Variants in FRMD1 observed in about 807,000 individuals in gnomAD.
The protein encoded by FRMD1 is FERM domain-containing protein 1.
FRMD1 carries 51 observed loss-of-function variants against 54.9 expected under a neutral mutation model. The observed-to-expected ratio is 0.93, with a 90% CI of 0.74 to 1.17. FRMD1 has a LOEUF of 1.17. FRMD1 is among the 50% of genes most tolerant of loss of function. The pLI is 0.00. For synonymous variants in FRMD1, 324 were observed against 306.4 expected (o/e 1.06, Z -0.60); for missense variants, 729 against 743.0 (o/e 0.98, Z 0.22).
intron 2 of FRMD1, 55 bp downstream of exon 2, chr6:168,075,190 T>C: frequency 6.7e-7 from 1 of 1,495,176 alleles, no homozygotes; most frequent in Non-Finnish European, 9.3e-7. Flanking sequence ...CCCCTTGACC[T>C]CCAGCAGATG....
At chr6:168,081,321 C>T (rs370116769), upstream of FRMD1, 73 of 1,495,076 alleles carry the variant, frequency 4.9e-5, no homozygotes, top group Admixed American at 4.3e-4. Flanking sequence ...GAGGCGTGAC[C>T]GGGCCCCAAC....
chr6:168,076,313 A>T (rs1800590960), intron 1 of FRMD1, among the ~76,000 whole-genome samples: 2 of 152,240 alleles, frequency 1.3e-5, no homozygotes, highest in South Asian at 4.1e-4. Context: ...TTCAAGTCAA[A>T]TGAGTATCCA....
intron 1 of FRMD1, among the ~76,000 whole-genome samples, chr6:168,076,659 T>C (rs1800608530): frequency 6.6e-6 from 1 of 152,216 alleles, no homozygotes; most frequent in South Asian, 2.1e-4. Context: ...GAACTGTGAG[T>C]CAATTAAACC....
At chr6:168,061,769 T>C (rs558339126) in intron 8 of FRMD1, 38 bp downstream of exon 8, 5 of 1,520,114 alleles carry the variant, frequency 3.3e-6, no homozygotes, top group Non-Finnish European at 4.4e-6. Flanking sequence ...GAAGGCACAG[T>C]CCGGCTGCGG....
Position 168,064,945 on chromosome 6 carries a change from C to T in FRMD1, c.574G>A (p.Ala192Thr). Residue 192 changes from alanine (A) to threonine (T), a missense_variant, in exon 5 of 11, where the codon GCT becomes ACT. Physicochemically the swap from Ala to Thr is moderately conservative, Grantham distance 58. Transcript: ENST00000283309. ...YFLLAACALQ[A>T]DLGEHRESAH... The stretch of plus-strand genomic sequence containing the variant: ...GACTCCCGGTGCTCGCCCAGGTCAG[C>T]CTGCAGCGCGCAGGCAGCCAGCAGG... The T allele has an allele frequency of 6.2e-7, 1 of 1,611,340 alleles. No homozygotes were observed.
intron 1 of FRMD1, 61 bp from the exon 2 acceptor site, chr6:168,075,396 C>G (rs953025860): frequency 4.2e-6 from 6 of 1,414,116 alleles, no homozygotes; most frequent in Non-Finnish European, 4.0e-6. Flanking sequence ...GGGAGGCCAC[C>G]TCAGCAAACG....
rs1799349921 is a variant in FRMD1, at chr6:168,054,765, T to G, written c.*2332A>C. Reference sequence around the variant, plus strand: ...GAAGGAGCCCCCTCCCAGGATGGCCTTCTGCTTCCAGCTCCGCTCCTGCCC... The same window carrying G: ...GAAGGAGCCCCCTCCCAGGATGGCCGTCTGCTTCCAGCTCCGCTCCTGCCC... On this transcript the variant is annotated 3_prime_UTR_variant, in exon 11 of 11. Transcript: ENST00000283309. The G allele has an allele frequency of 6.6e-6, 1 of 152,358 alleles. No individual in the cohort carries two copies. Among genetic ancestry groups the G allele is most frequent in the Non-Finnish European group, 1.5e-5 (1 of 68,134 alleles). 9.4% of individuals were successfully genotyped at this position (152,358 alleles called of 1,614,324 possible). A position where few individuals can be genotyped will look rare whatever the true frequency, so the allele number is the denominator to read the frequency against.
At chr6:168,060,256 T>A (rs1008354076) in intron 9 of FRMD1, among the ~76,000 whole-genome samples, 3 of 122,788 alleles carry the variant, frequency 2.4e-5, no homozygotes, top group African/African-American at 9.5e-5. Flanking sequence ...TGTGTGGGGA[T>A]GGGATTCCTG....
intron 1 of FRMD1, among the ~76,000 whole-genome samples, chr6:168,087,283 G>A (rs56162502): frequency 0.026 from 3,957 of 152,202 alleles, 63 homozygotes; most frequent in East Asian, 0.054. Flanking sequence ...TGCCCAGACC[G>A]GTCTCTACCT....
At chr6:168,071,066 A>G (rs937809462) in intron 2 of FRMD1, among the ~76,000 whole-genome samples, 2 of 152,084 alleles carry the variant, frequency 1.3e-5, no homozygotes, top group African/African-American at 4.8e-5. Context: ...TACCCTTGAC[A>G]CTGGTGTGAC....
At chr6:168,079,217 G>A (rs924527517), upstream of FRMD1, 2 of 1,422,502 alleles carry the variant, frequency 1.4e-6, no homozygotes, top group African/African-American at 1.4e-5. Flanking sequence ...GGAATTGAGA[G>A]GGAAGCCTGG....
intron 1 of FRMD1, among the ~76,000 whole-genome samples, chr6:168,077,830 C>T (rs1053986139): frequency 2.0e-5 from 3 of 152,232 alleles, no homozygotes; most frequent in Non-Finnish European, 4.4e-5. Context: ...TATGACCCCT[C>T]CCCCAGCCCG....
chr6:168,090,669 TCTTA>T (rs1297408605), intron 1 of FRMD1, among the ~76,000 whole-genome samples: 2 of 152,354 alleles, frequency 1.3e-5, no homozygotes, highest in East Asian at 3.9e-4. Flanking sequence ...TTCTGCAAGG[TCTTA>T]CTTGCTGCTG....
upstream of FRMD1, among the ~76,000 whole-genome samples, chr6:168,085,871 C>G (rs1004949018): frequency 6.6e-6 from 1 of 152,238 alleles, no homozygotes; most frequent in Non-Finnish European, 1.5e-5. Flanking sequence ...GCCACAGCAT[C>G]CAAAGCCCGT....
At chr6:168,059,000 G>A (rs559025097) in intron 10 of FRMD1, 124 bp downstream of exon 10, 2 of 713,926 alleles carry the variant, frequency 2.8e-6, no homozygotes, top group Admixed American at 2.8e-5. Context: ...CTGCGTCTCT[G>A]GGGATGTCAG....
chr6:168,059,220 T>G lies in FRMD1; in HGVS notation c.1343-32A>C. 6.4e-7 allele frequency: 1 copy of G among 1,550,972 alleles called. No homozygotes were observed. Among genetic ancestry groups the G allele is most frequent in the Non-Finnish European group, 8.7e-7 (1 of 1,148,774 alleles). On this transcript the variant is annotated intron_variant, in intron 9 of 10. Coordinates refer to ENST00000283309, the MANE Select transcript of FRMD1 (RefSeq NM_024919.6). This position sits in a 1 kb window ranked among gnomAD's most constrained non-coding sequence, Gnocchi z 4.4. ...GAGGAGGCAGCCGTGAGCACAGGTG[T>G]CTGGGTTCTGCCCGACATGGCTCCT...
upstream of FRMD1, chr6:168,081,235 C>T (rs1006122893): frequency 2.3e-5 from 23 of 1,013,344 alleles, no homozygotes; most frequent in Admixed American, 2.5e-4. Context: ...GAGTACCTCC[C>T]GCCAGGGCAC....
intron 6 of FRMD1, 65 bp downstream of exon 6, chr6:168,063,536 G>A: frequency 6.7e-7 from 1 of 1,496,182 alleles, no homozygotes; most frequent in Non-Finnish European, 8.9e-7. Context: ...CTCAGCCATG[G>A]GGGCTCCGTG....
intron 10 of FRMD1, chr6:168,057,544 C>G (rs911483585): frequency 1.5e-6 from 1 of 665,398 alleles, no homozygotes; most frequent in Admixed American, 3.2e-5. Context: ...TGATGCATTT[C>G]AGGAGGCCCC....
Sources: allele counts gnomAD v4.1 joint callset (sites outside exome capture counted in the v4.1 genomes callset), GRCh38; gene constraint gnomAD v4.1.1; non-coding constraint Gnocchi (gnomAD v3.1); transcripts MANE v1.5; gene names NCBI Gene and HGNC (gene_info 2026-07-23, HGNC 2026-07-21).